Variants in SIK2 observed in about 807,000 individuals in gnomAD.
SIK2 encodes salt inducible kinase 2, also known as serine/threonine-protein kinase SIK2.
Under a neutral mutation model 103.2 loss-of-function variants are expected in SIK2, and 29 were observed. The observed-to-expected ratio is 0.28, with a 90% CI of 0.21 to 0.38. SIK2 has a LOEUF of 0.38. SIK2 is among the 10% of genes least tolerant of loss of function. The pLI is 1.00. For missense variants in SIK2, 879 were observed against 1,171.0 expected, an observed-to-expected ratio of 0.75 and a Z score of 3.64; for synonymous variants, 412 against 446.1, an observed-to-expected ratio of 0.92 and a Z score of 0.96.
chr11:111,627,261 A>C (rs1941973278), intron 3 of SIK2, among the ~76,000 whole-genome samples: 1 of 152,202 alleles, frequency 6.6e-6, no homozygotes, highest in Non-Finnish European at 1.5e-5. Flanking sequence ...AGTGAAAAAT[A>C]TGTACATTAG....
chr11:111,610,519 G>A (rs1941709272), intron 1 of SIK2, among the ~76,000 whole-genome samples: 1 of 150,008 alleles, frequency 6.7e-6, no homozygotes, highest in African/African-American at 2.4e-5. Context: ...CAAACAGTTT[G>A]AAAAATGAAA....
At chr11:111,647,728 C>T (rs773177047) in intron 3 of SIK2, among the ~76,000 whole-genome samples, 35 of 151,932 alleles carry the variant, frequency 2.3e-4, no homozygotes, top group Admixed American at 7.2e-4. Context: ...ATTAGCCGGG[C>T]GTGGTGGCAG....
chr11:111,726,798 G>T lies in SIK2; in HGVS notation c.*2669G>T. Reference sequence around the variant, plus strand: ...TGACTTGCTTTCCAGTCTGATTCACGTTAGCAGTGTGTACACTACTGTATC... The same window carrying T: ...TGACTTGCTTTCCAGTCTGATTCACTTTAGCAGTGTGTACACTACTGTATC... On this transcript the variant is annotated 3_prime_UTR_variant, in exon 15 of 15. Transcript: ENST00000304987. 2 of 625,636 alleles carry T rather than the reference G, an allele frequency of 3.2e-6. No homozygotes were observed. Among genetic ancestry groups the T allele is most frequent in the Non-Finnish European group, 5.7e-6 (2 of 350,700 alleles). 38.8% of individuals were successfully genotyped at this position (625,636 alleles called of 1,614,324 possible).
Position 111,700,916 on chromosome 11 carries a change from G to A in SIK2, c.509G>A (p.Gly170Asp). Residue 170 changes from glycine to aspartate, a missense_variant, in exon 5 of 15, where the codon GGT (glycine) becomes GAT (aspartate). Gly to Asp is a moderately conservative substitution (Grantham distance 94). Transcript: ENST00000304987. Reference protein sequence around the residue: ...DFGFGNFFKSGELLATWCGSP... With the variant: ...DFGFGNFFKSDELLATWCGSP... Reference sequence around the variant, plus strand: ...GGTTTTGGAAATTTCTTTAAAAGTGGTGAACTGCTGGCAACATGGTGTGGC... The same window carrying A: ...GGTTTTGGAAATTTCTTTAAAAGTGATGAACTGCTGGCAACATGGTGTGGC... The A allele has an allele frequency of 3.1e-6, 5 of 1,614,014 alleles. No individual in the cohort carries two copies. Among genetic ancestry groups the A allele is most frequent in the Non-Finnish European group, 4.2e-6 (5 of 1,179,934 alleles).
At chr11:111,642,222 G>A (rs1420357330) in intron 3 of SIK2, among the ~76,000 whole-genome samples, 3 of 152,064 alleles carry the variant, frequency 2.0e-5, no homozygotes, top group Non-Finnish European at 2.9e-5. Flanking sequence ...TACTAACTAC[G>A]CAGAGCTAGC....
At chr11:111,657,937 T>C (rs1297429753) in intron 3 of SIK2, among the ~76,000 whole-genome samples, 2 of 152,110 alleles carry the variant, frequency 1.3e-5, no homozygotes, top group African/African-American at 4.8e-5. Flanking sequence ...GTCATGCAGG[T>C]TCAGTATTCT....
chr11:111,638,885 T>C (rs147116226), intron 3 of SIK2, among the ~76,000 whole-genome samples: 1,705 of 152,304 alleles, frequency 0.011, 53 homozygotes, highest in Admixed American at 0.059. Context: ...TTTTTTTGTT[T>C]TGTTTTGTTT....
chr11:111,685,822 C>T (rs1942837366), intron 3 of SIK2, among the ~76,000 whole-genome samples: 1 of 152,080 alleles, frequency 6.6e-6, no homozygotes, highest in Admixed American at 6.6e-5. Context: ...GTACTGCACC[C>T]TGGGCAACAA....
chr11:111,699,677 G>T (rs1943164218), intron 4 of SIK2, among the ~76,000 whole-genome samples: 1 of 152,168 alleles, frequency 6.6e-6, no homozygotes. Flanking sequence ...ATGTTAGCAA[G>T]CTAAGAGAAT....
intron 3 of SIK2, among the ~76,000 whole-genome samples, chr11:111,622,749 T>C (rs1039813013): frequency 3.3e-5 from 5 of 152,222 alleles, no homozygotes; most frequent in African/African-American, 9.6e-5. Context: ...CCATTTGCAC[T>C]GTTTCTGACA....
At chr11:111,622,959 G>T (rs1941913119) in intron 3 of SIK2, among the ~76,000 whole-genome samples, 1 of 151,942 alleles carries the variant, frequency 6.6e-6, no homozygotes, top group Non-Finnish European at 1.5e-5. Context: ...CATCAAATTT[G>T]GATATTTTTC....
intron 3 of SIK2, among the ~76,000 whole-genome samples, chr11:111,625,182 G>A (rs1464676329): frequency 3.3e-5 from 5 of 152,176 alleles, no homozygotes; most frequent in Admixed American, 3.3e-4. Context: ...ACCATTTTCG[G>A]CTGGATTTCA....
intron 3 of SIK2, among the ~76,000 whole-genome samples, chr11:111,647,682 G>A (rs895561962): frequency 2.6e-5 from 4 of 151,830 alleles, no homozygotes; most frequent in Non-Finnish European, 4.4e-5. Flanking sequence ...TGGCTAACAC[G>A]GTGAAACCCC....
At chr11:111,635,226 G>A (rs1050181024) in intron 3 of SIK2, among the ~76,000 whole-genome samples, 3 of 151,884 alleles carry the variant, frequency 2.0e-5, no homozygotes, top group Non-Finnish European at 4.4e-5. Flanking sequence ...TCCTAGTTCC[G>A]CCATTGACTT....
chr11:111,709,057 C>T (rs1003708835), intron 8 of SIK2, among the ~76,000 whole-genome samples: 1 of 152,218 alleles, frequency 6.6e-6, no homozygotes, highest in Non-Finnish European at 1.5e-5. Flanking sequence ...GCTGCCGTAA[C>T]GAAATACCAC....
intron 3 of SIK2, among the ~76,000 whole-genome samples, chr11:111,621,117 G>A (rs1393591549): frequency 1.3e-5 from 2 of 152,194 alleles, no homozygotes; most frequent in African/African-American, 2.4e-5. Context: ...TAAATTACAC[G>A]TATTTAATGC....
intron 3 of SIK2, among the ~76,000 whole-genome samples, chr11:111,622,247 C>CTTTTTTTTT (rs71057079): frequency 1.6e-5 from 1 of 61,454 alleles, no homozygotes; most frequent in Non-Finnish European, 2.7e-5. Flanking sequence ...ATTTTCTTTT[C>CTTTTTTTTT]TTTTTTTTTT....
chr11:111,645,025 T>C (rs1942237358), intron 3 of SIK2, among the ~76,000 whole-genome samples: 1 of 152,162 alleles, frequency 6.6e-6, no homozygotes, highest in Non-Finnish European at 1.5e-5. Context: ...TCAGGCCAAC[T>C]CCCAGCTCTC....
Position 111,724,108 on chromosome 11 carries a change from C to A in SIK2, c.2760C>A (p.Asn920Lys), listed in dbSNP as rs368428099. ...EMLDAVDPQHNGYVLVN is the reference protein window; with the variant it reads ...EMLDAVDPQHKGYVLVN ...TAGACGCTGTGGATCCACAACACAA[C>A]GGGTATGTCCTGGTGAATTAGTCTC... Residue 920 changes from asparagine (N) to lysine (K), a missense_variant, in exon 15 of 15, where the codon AAC (asparagine) becomes AAA (lysine). This residue lies in a region of SIK2 where 375 missense variants were observed against 416.3 expected (regional missense o/e 0.90). Transcript: ENST00000304987. The A allele has an allele frequency of 6.2e-7, 1 of 1,611,396 alleles. No individual in the cohort carries two copies.
Sources: gnomAD v4.1 joint callset for allele counts (sites outside exome capture counted in the v4.1 genomes callset) on GRCh38, gnomAD v4.1.1 for gene constraint, gnomAD v4.1.1 regional missense constraint, MANE v1.5 for transcripts, NCBI Gene and HGNC (gene_info 2026-07-23, HGNC 2026-07-21) for gene names.